GALNTL6: variants seen among roughly 807,000 people sequenced by gnomAD.
GALNTL6 encodes polypeptide N-acetylgalactosaminyltransferase-like 6.
A neutral mutation model predicts 73.7 loss-of-function variants in GALNTL6; 46 were observed. That is an observed-to-expected ratio of 0.62 (90% confidence interval 0.49 to 0.80). GALNTL6 has a LOEUF of 0.80. Ranked by LOEUF, GALNTL6 falls within the 30% of genes least tolerant of loss-of-function variation. The pLI is 0.00. For missense variants in GALNTL6, 604 were observed against 755.0 expected (o/e 0.80, Z 2.34); for synonymous variants, 259 against 263.7 (o/e 0.98, Z 0.17).
intron 5 of GALNTL6, among the ~76,000 whole-genome samples, chr4:172,402,049 AC>A (rs1382502097): frequency 5.9e-5 from 9 of 151,902 alleles, no homozygotes; most frequent in Non-Finnish European, 8.8e-5. Flanking sequence ...ATCTGCATTC[AC>A]CATACTTCTT....
In GALNTL6 at chr4:172,420,135, A is replaced by G. The variant is rs60839045; in HGVS notation, c.553+71446A>G. On this transcript the variant is annotated intron_variant, in intron 5 of 12. Coordinates refer to ENST00000506823, the MANE Select transcript of GALNTL6 (RefSeq NM_001034845.3). ...TCCATTTTACTAAATAATAGAATGG[A>G]ACTCATGTAATTTTCTCTCTTTATT... 4.6e-3 allele frequency among the ~76,000 whole-genome samples: 703 copies of G among 152,318 alleles called. 7 individuals carry two copies. Among genetic ancestry groups the G allele is most frequent in the African/African-American group, 0.015 (638 of 41,572 alleles).
intron 2 of GALNTL6, among the ~76,000 whole-genome samples, chr4:171,903,738 G>A (rs1248807139): frequency 1.3e-5 from 2 of 151,978 alleles, no homozygotes; most frequent in Non-Finnish European, 2.9e-5. Context: ...AGACTTAAAT[G>A]TCCCCGTCTG....
At chr4:172,297,948 G>T (rs1344818244) in intron 3 of GALNTL6, among the ~76,000 whole-genome samples, 2 of 152,176 alleles carry the variant, frequency 1.3e-5, no homozygotes, top group Non-Finnish European at 2.9e-5. Flanking sequence ...TGGGCAGTAT[G>T]GCCATTTTTA....
At chr4:172,433,982 C>A (rs776893389) in intron 5 of GALNTL6, among the ~76,000 whole-genome samples, 16 of 152,062 alleles carry the variant, frequency 1.1e-4, no homozygotes, top group Middle Eastern at 3.2e-3. Context: ...AACAGATAAG[C>A]TCTGTAATCT....
intron 5 of GALNTL6, 41 bp downstream of exon 5, chr4:172,348,730 A>G (rs201600611): frequency 2.1e-5 from 29 of 1,350,902 alleles, no homozygotes. Flanking sequence ...TTCTGCTACC[A>G]TTCACATAAT....
Position 172,184,808 on chromosome 4 carries a change from A to C in GALNTL6, c.139-44848A>C, listed in dbSNP as rs146649370. On this transcript the variant is annotated intron_variant, in intron 2 of 12. Coordinates refer to ENST00000506823, the MANE Select transcript of GALNTL6 (RefSeq NM_001034845.3). ...GATTGGCATTGTTGAAGAATGGCAA[A>C]AGGTAGAAGGACAAGGGGGCTGGGG... Among the ~76,000 whole-genome samples the C allele has an allele frequency of 4.2e-3, 633 of 152,308 alleles. 2 individuals are homozygous for C. The highest frequency in any genetic ancestry group is 0.014 in the African/African-American group (591 of 41,572).
At chr4:172,100,265 A>G (rs1056410164) in intron 2 of GALNTL6, among the ~76,000 whole-genome samples, 1 of 152,128 alleles carries the variant, frequency 6.6e-6, no homozygotes, top group African/African-American at 2.4e-5. Context: ...ATAATGTGGT[A>G]GCTAACACAT....
At chr4:171,956,454 A>T (rs1366613400) in intron 2 of GALNTL6, among the ~76,000 whole-genome samples, 2 of 152,330 alleles carry the variant, frequency 1.3e-5, no homozygotes, top group East Asian at 3.9e-4. Flanking sequence ...GACAGGGTTG[A>T]TAAAAACCAT....
intron 7 of GALNTL6, among the ~76,000 whole-genome samples, chr4:172,863,584 T>C (rs1744507954): frequency 6.6e-6 from 1 of 152,222 alleles, no homozygotes; most frequent in Non-Finnish European, 1.5e-5. Flanking sequence ...TGGCTGTATT[T>C]ACCCAATGCC....
intron 2 of GALNTL6, among the ~76,000 whole-genome samples, chr4:172,007,685 C>G (rs72698918): frequency 0.018 from 2,669 of 152,182 alleles, 33 homozygotes; most frequent in East Asian, 0.072. Flanking sequence ...AATTAAATTT[C>G]AGAGAAACAT....
At chr4:171,946,557 A>G (rs1407214936) in intron 2 of GALNTL6, among the ~76,000 whole-genome samples, 2 of 152,206 alleles carry the variant, frequency 1.3e-5, no homozygotes, top group Non-Finnish European at 2.9e-5. Flanking sequence ...AGTAAGCCTC[A>G]TCGAGCTCGT....
intron 2 of GALNTL6, among the ~76,000 whole-genome samples, chr4:171,965,297 T>C (rs957955903): frequency 6.6e-6 from 1 of 152,032 alleles, no homozygotes; most frequent in African/African-American, 2.4e-5. Context: ...AACAACACAA[T>C]AGTGGATATG....
At chr4:172,276,218 G>C (rs1486949171) in intron 3 of GALNTL6, among the ~76,000 whole-genome samples, 2 of 152,138 alleles carry the variant, frequency 1.3e-5, no homozygotes, top group Admixed American at 6.6e-5. Context: ...GAAGAAACAT[G>C]TACTTGTTTT....
At chr4:172,903,019 A>ATT (rs1235052046) in intron 8 of GALNTL6, among the ~76,000 whole-genome samples, 1 of 152,166 alleles carries the variant, frequency 6.6e-6, no homozygotes, top group Non-Finnish European at 1.5e-5. Flanking sequence ...CACCATAATA[A>ATT]TTCAAGACAT....
chr4:172,820,257 AACTT>A lies in GALNTL6; in HGVS notation c.923+6539_923+6542del, dbSNP rs368185819. 4.3e-3 allele frequency among the ~76,000 whole-genome samples: 648 copies of A among 152,334 alleles called. 6 individuals carry two copies. The highest frequency in any genetic ancestry group is 0.014 in the African/African-American group (597 of 41,576). On this transcript the variant is annotated intron_variant, in intron 7 of 12. Transcript: ENST00000506823. Reference sequence around the variant, plus strand: ...AGGAGATAACAACAGATTGAGGATCAACTTACTTGATGCCTAGAATAAACTATTA... The same window carrying A: ...AGGAGATAACAACAGATTGAGGATCAACTTGATGCCTAGAATAAACTATTA...
intron 2 of GALNTL6, among the ~76,000 whole-genome samples, chr4:172,177,774 C>CATATATACACATGTGT (rs1735065218): frequency 7.1e-5 from 7 of 99,238 alleles, no homozygotes; most frequent in African/African-American, 1.3e-4. Context: ...TATATGTACA[C>CATATATACACATGTGT]ATATATACAC....
At chr4:172,414,654 C>T (rs1335723300) in intron 5 of GALNTL6, among the ~76,000 whole-genome samples, 2 of 152,098 alleles carry the variant, frequency 1.3e-5, no homozygotes, top group East Asian at 3.9e-4. Context: ...TTTAAATTGC[C>T]AGTCATCAGA....
At chr4:172,107,682 G>C (rs867310919) in intron 2 of GALNTL6, among the ~76,000 whole-genome samples, 2 of 117,834 alleles carry the variant, frequency 1.7e-5, no homozygotes, top group Admixed American at 1.0e-4. Flanking sequence ...GTTGTGGGGT[G>C]GGGGGAGGGG....
chr4:172,454,530 C>T (rs1732322454), intron 5 of GALNTL6, among the ~76,000 whole-genome samples: 3 of 152,214 alleles, frequency 2.0e-5, no homozygotes, highest in Admixed American at 2.0e-4. Flanking sequence ...CAAATCCATT[C>T]TCAGAAACTG....
Sources: allele counts gnomAD v4.1 joint callset (sites outside exome capture counted in the v4.1 genomes callset), GRCh38; gene constraint gnomAD v4.1.1; transcripts MANE v1.5; gene names NCBI Gene and HGNC (gene_info 2026-07-23, HGNC 2026-07-21).